CCSER1: variants seen among roughly 807,000 people sequenced by gnomAD.
CCSER1 encodes coiled-coil serine rich protein 1, also known as serine-rich coiled-coil domain-containing protein 1.
In CCSER1, 41 loss-of-function variants were observed where a neutral mutation model predicts 82.0. The ratio of observed to expected loss-of-function variants is 0.50; its 90% CI spans 0.39 to 0.65. The LOEUF (loss-of-function observed/expected upper bound fraction) is 0.65. CCSER1 is among the 30% of genes least tolerant of loss of function. The pLI is 0.00. For missense variants in CCSER1, 1,119 were observed against 1,064.2 expected (o/e 1.05, Z -0.72); for synonymous variants, 414 against 383.9 (o/e 1.08, Z -0.92).
At chr4:90,807,264 G>A (rs780807123) in intron 7 of CCSER1, among the ~76,000 whole-genome samples, 2 of 152,178 alleles carry the variant, frequency 1.3e-5, no homozygotes, top group South Asian at 2.1e-4. Flanking sequence ...ATGTAGAGCA[G>A]GTAAAACCTT....
chr4:91,139,845 G>GC (rs2148926771), intron 10 of CCSER1, among the ~76,000 whole-genome samples: 1 of 152,192 alleles, frequency 6.6e-6, no homozygotes, highest in Non-Finnish European at 1.5e-5. Context: ...GTATAGATAT[G>GC]CCAAGTACTT....
intron 6 of CCSER1, among the ~76,000 whole-genome samples, chr4:90,723,585 AC>A (rs1743074745): frequency 6.6e-6 from 1 of 151,882 alleles, no homozygotes; most frequent in African/African-American, 2.4e-5. Flanking sequence ...TATTACAGAT[AC>A]AGTTTAATTT....
intron 1 of CCSER1, among the ~76,000 whole-genome samples, chr4:90,165,286 C>T (rs960666697): frequency 6.6e-6 from 1 of 152,036 alleles, no homozygotes; most frequent in Non-Finnish European, 1.5e-5. Context: ...TGTTCTAAAT[C>T]CTCTAAAGAA....
chr4:91,123,563 C>A (rs570414359), intron 10 of CCSER1, among the ~76,000 whole-genome samples: 9 of 151,654 alleles, frequency 5.9e-5, no homozygotes, highest in Non-Finnish European at 1.3e-4. Flanking sequence ...CAAAACATGA[C>A]GAAATATTTC....
chr4:91,010,625 C>G (rs1391915820), intron 9 of CCSER1, among the ~76,000 whole-genome samples: 1 of 135,092 alleles, frequency 7.4e-6, no homozygotes, highest in Non-Finnish European at 1.7e-5. Flanking sequence ...TTTTTATCCT[C>G]TGACTGGGTA....
At chr4:91,541,869 C>CCAG (rs1761618253) in intron 10 of CCSER1, among the ~76,000 whole-genome samples, 4 of 152,092 alleles carry the variant, frequency 2.6e-5, no homozygotes, top group Non-Finnish European at 5.9e-5. Flanking sequence ...TCCTATTGCT[C>CCAG]CACACCCTCT....
At chr4:90,663,649 T>C in intron 6 of CCSER1, among the ~76,000 whole-genome samples, 1 of 152,160 alleles carries the variant, frequency 6.6e-6, no homozygotes, top group East Asian at 1.9e-4. Context: ...ACACCCAGCC[T>C]ATACTTTATT....
intron 8 of CCSER1, among the ~76,000 whole-genome samples, chr4:90,882,209 T>C (rs954248141): frequency 6.6e-6 from 1 of 151,988 alleles, no homozygotes; most frequent in African/African-American, 2.4e-5. Context: ...TGAATGAAAA[T>C]ACATCACATA....
intron 1 of CCSER1, among the ~76,000 whole-genome samples, chr4:90,276,553 T>A (rs958391537): frequency 6.6e-6 from 1 of 151,042 alleles, no homozygotes; most frequent in African/African-American, 2.4e-5. Context: ...ACCATGTTGG[T>A]CAGGCTGGTC....
rs1764916019 is a variant in CCSER1, at chr4:91,605,166, A to T, written c.*6109A>T. On this transcript the variant is annotated 3_prime_UTR_variant, in exon 11 of 11. Coordinates refer to ENST00000509176, the MANE Select transcript of CCSER1 (RefSeq NM_001145065.2). Reference sequence around the variant, plus strand: ...TTTGTGGCTCTTGATTTCCTAAGAAAAATAGTGATTTTTATTTAATGAAAA... The same window carrying T: ...TTTGTGGCTCTTGATTTCCTAAGAATAATAGTGATTTTTATTTAATGAAAA... 6.6e-6 allele frequency: 1 copy of T among 152,092 alleles called. No homozygotes were observed. The highest frequency in any genetic ancestry group is 1.5e-5 in the Non-Finnish European group (1 of 67,968). The allele number at this position is 152,092 out of a possible 1,614,324, so 9.4% of individuals were successfully genotyped here.
intron 6 of CCSER1, among the ~76,000 whole-genome samples, chr4:90,673,985 C>T (rs1733310625): frequency 6.6e-6 from 1 of 151,918 alleles, no homozygotes; most frequent in Non-Finnish European, 1.5e-5. Flanking sequence ...TTAGGTCCTA[C>T]CTTCCCACAG....
intron 7 of CCSER1, among the ~76,000 whole-genome samples, chr4:90,725,818 A>C (rs1165700080): frequency 6.6e-6 from 1 of 151,886 alleles, no homozygotes; most frequent in Non-Finnish European, 1.5e-5. Context: ...TTATAACCAC[A>C]TTCTGAAAAA....
intron 7 of CCSER1, among the ~76,000 whole-genome samples, chr4:90,738,069 T>C (rs1460281729): frequency 2.6e-5 from 4 of 152,234 alleles, no homozygotes; most frequent in South Asian, 4.1e-4. Context: ...AGATCACATA[T>C]CTCTGTTTCT....
At chr4:91,288,797 G>C (rs1367528374) in intron 10 of CCSER1, among the ~76,000 whole-genome samples, 1 of 152,024 alleles carries the variant, frequency 6.6e-6, no homozygotes, top group Non-Finnish European at 1.5e-5. Context: ...TCTTGGGACA[G>C]ATACAAAAAT....
At chr4:90,945,148 G>A (rs1328650618) in intron 9 of CCSER1, among the ~76,000 whole-genome samples, 2 of 151,910 alleles carry the variant, frequency 1.3e-5, no homozygotes, top group African/African-American at 2.4e-5. Flanking sequence ...GAAGGACAAA[G>A]AATTTAGTGA....
At chr4:90,955,406 A>T in intron 9 of CCSER1, among the ~76,000 whole-genome samples, 1 of 152,190 alleles carries the variant, frequency 6.6e-6, no homozygotes, top group East Asian at 1.9e-4. Flanking sequence ...ACTGAAGGAA[A>T]TTGGACCAAT....
chr4:91,021,065 A>C (rs1234265915), intron 9 of CCSER1, among the ~76,000 whole-genome samples: 1 of 152,178 alleles, frequency 6.6e-6, no homozygotes, highest in Non-Finnish European at 1.5e-5. Flanking sequence ...GATTATGCCA[A>C]CTTATTTTTG....
intron 10 of CCSER1, among the ~76,000 whole-genome samples, chr4:91,480,673 T>C (rs1757861353): frequency 6.6e-6 from 1 of 152,168 alleles, no homozygotes; most frequent in African/African-American, 2.4e-5. Flanking sequence ...AGCAGAAGAC[T>C]ACAGTCATTT....
chr4:90,141,046 A>ATCTATCTG lies in CCSER1; in HGVS notation c.-42+13222_-42+13223insGTCTATCT, dbSNP rs1724695218. Among the ~76,000 whole-genome samples, 10 of 151,714 alleles carry ATCTATCTG rather than the reference A, an allele frequency of 6.6e-5. No homozygotes were observed. The South Asian group carries it at 2.1e-3, about 32-fold the overall frequency. On this transcript the variant is annotated intron_variant, in intron 1 of 10. Transcript: ENST00000509176. Reference sequence around the variant, plus strand: ...TATCTATCTATCTATCTATCTATCTATCTATCTATCTATCTATTGTCTGTC... The same window carrying ATCTATCTG: ...TATCTATCTATCTATCTATCTATCTATCTATCTGTCTATCTATCTATCTATTGTCTGTC...
Sources: gnomAD v4.1 joint callset for allele counts (sites outside exome capture counted in the v4.1 genomes callset) on GRCh38, gnomAD v4.1.1 for gene constraint, MANE v1.5 for transcripts, NCBI Gene and HGNC (gene_info 2026-07-23, HGNC 2026-07-21) for gene names.